Variants in SNTG1 observed in about 807,000 individuals in gnomAD.
The protein encoded by SNTG1 is syntrophin gamma 1, also known as gamma-1-syntrophin.
SNTG1 carries 39 observed loss-of-function variants against 74.7 expected under a neutral mutation model. That is an observed-to-expected ratio of 0.52 (90% CI 0.40 to 0.68). The LOEUF (loss-of-function observed/expected upper bound fraction) is 0.68. Among genes scored for constraint, SNTG1 ranks in the 30% least tolerant of loss-of-function variants. The pLI is 0.00. For synonymous variants in SNTG1, 254 were observed against 217.1 expected (o/e 1.17, Z -1.49); for missense variants, 685 against 609.5 (o/e 1.12, Z -1.30).
intron 3 of SNTG1, among the ~76,000 whole-genome samples, chr8:50,401,015 T>TA (rs1187799509): frequency 2.0e-5 from 3 of 152,156 alleles, no homozygotes; most frequent in African/African-American, 7.2e-5. Flanking sequence ...TATCATGATT[T>TA]GATAATTACA....
intron 1 of SNTG1, among the ~76,000 whole-genome samples, chr8:50,057,838 T>C (rs1820155660): frequency 6.6e-6 from 1 of 152,102 alleles, no homozygotes; most frequent in South Asian, 2.1e-4. Context: ...TTAGGGTTGT[T>C]AATGATCCCA....
intron 2 of SNTG1, among the ~76,000 whole-genome samples, chr8:50,299,042 C>T (rs975745452): frequency 1.3e-5 from 2 of 152,042 alleles, no homozygotes; most frequent in African/African-American, 4.8e-5. Context: ...ACTCAAAATT[C>T]CCATGGAAAC....
intron 2 of SNTG1, among the ~76,000 whole-genome samples, chr8:50,349,196 A>ATT (rs1308260977): frequency 6.6e-6 from 1 of 152,176 alleles, no homozygotes; most frequent in Non-Finnish European, 1.5e-5. Flanking sequence ...ATAAGAAAAT[A>ATT]TTTTATGTAT....
chr8:50,088,605 C>T (rs1212148369), intron 1 of SNTG1, among the ~76,000 whole-genome samples: 1 of 125,932 alleles, frequency 7.9e-6, no homozygotes, highest in African/African-American at 2.5e-5. Flanking sequence ...TTCTTATACA[C>T]CAACAACAGA....
intron 1 of SNTG1, among the ~76,000 whole-genome samples, chr8:50,084,308 A>T (rs1822676344): frequency 6.6e-6 from 1 of 152,006 alleles, no homozygotes; most frequent in Admixed American, 6.6e-5. Flanking sequence ...AAAAAACACA[A>T]AGATTAGCCT....
intron 2 of SNTG1, among the ~76,000 whole-genome samples, chr8:50,207,050 G>A (rs1249128208): frequency 1.3e-5 from 2 of 152,158 alleles, no homozygotes; most frequent in East Asian, 3.9e-4. Flanking sequence ...GTCTCTGCCA[G>A]CCTTTGTTAT....
At chr8:50,543,648 G>A (rs543082911) in intron 11 of SNTG1, among the ~76,000 whole-genome samples, 3 of 152,208 alleles carry the variant, frequency 2.0e-5, no homozygotes, top group African/African-American at 7.2e-5. Flanking sequence ...AAAGATGTAT[G>A]AATATTTGTA....
chr8:49,927,660 A>G (rs1200389126), intron 1 of SNTG1, among the ~76,000 whole-genome samples: 1 of 152,158 alleles, frequency 6.6e-6, no homozygotes, highest in Admixed American at 6.5e-5. Flanking sequence ...ATAATAAATT[A>G]TTGATTGCCA....
Position 50,780,528 on chromosome 8 carries a change from T to G in SNTG1, c.1396-12143T>G, listed in dbSNP as rs543785649. On this transcript the variant is annotated intron_variant, in intron 18 of 18. Coordinates refer to ENST00000642720, the MANE Select transcript of SNTG1 (RefSeq NM_018967.5). The stretch of plus-strand genomic sequence containing the variant: ...AGTATTCTCTGATGGTAGTTTGTAT[T>G]TCTGTGGGATTGGTGGTGATATCCC... Among the ~76,000 whole-genome samples, 138 of 152,338 alleles carry G rather than the reference T, an allele frequency of 9.1e-4. 2 individuals are homozygous for G. Among genetic ancestry groups the G allele is most frequent in the Middle Eastern group, 6.8e-3 (2 of 294 alleles).
intron 18 of SNTG1, among the ~76,000 whole-genome samples, chr8:50,780,761 G>T (rs1308756695): frequency 6.6e-6 from 1 of 152,030 alleles, no homozygotes; most frequent in Non-Finnish European, 1.5e-5. Context: ...GAATGTGTTT[G>T]CTCTTGTTTT....
intron 1 of SNTG1, among the ~76,000 whole-genome samples, chr8:49,982,410 A>G (rs747594301): frequency 1.3e-5 from 2 of 152,078 alleles, no homozygotes; most frequent in African/African-American, 4.8e-5. Flanking sequence ...TGGAAATACA[A>G]AAGAATTCTG....
intron 2 of SNTG1, among the ~76,000 whole-genome samples, chr8:50,310,189 A>T (rs1299663857): frequency 6.6e-6 from 1 of 152,176 alleles, no homozygotes; most frequent in Non-Finnish European, 1.5e-5. Context: ...TGTTTGAAAT[A>T]TCTGCTTTGT....
At chr8:50,416,299 T>C (rs1361834189) in intron 4 of SNTG1, among the ~76,000 whole-genome samples, 1 of 152,146 alleles carries the variant, frequency 6.6e-6, no homozygotes, top group African/African-American at 2.4e-5. Context: ...CATGTGCACA[T>C]GCATGGAATG....
chr8:50,586,653 A>T (rs1161772442), intron 12 of SNTG1, among the ~76,000 whole-genome samples: 5 of 5,230 alleles, frequency 9.6e-4, no homozygotes, highest in Non-Finnish European at 1.3e-3. Flanking sequence ...TTTCATTAAT[A>T]CACACACACA....
At chr8:50,456,873 G>C (rs572674757) in intron 8 of SNTG1, 1 of 152,270 alleles carries the variant, frequency 6.6e-6, no homozygotes, top group African/African-American at 2.4e-5. Context: ...AAGCTGGCAG[G>C]GCAGGCATGG....
chr8:50,560,740 C>G (rs1013307727), intron 12 of SNTG1, among the ~76,000 whole-genome samples: 1 of 151,952 alleles, frequency 6.6e-6, no homozygotes, highest in Non-Finnish European at 1.5e-5. Flanking sequence ...GGGAGAGCAT[C>G]AAGAAGAACA....
intron 12 of SNTG1, among the ~76,000 whole-genome samples, chr8:50,589,442 C>T (rs965542393): frequency 1.3e-5 from 2 of 152,068 alleles, no homozygotes; most frequent in African/African-American, 4.8e-5. Context: ...AGAAGTTTGG[C>T]TCAATCACTA....
chr8:50,208,126 A>G (rs1311598309), intron 2 of SNTG1, among the ~76,000 whole-genome samples: 1 of 152,076 alleles, frequency 6.6e-6, no homozygotes, highest in Non-Finnish European at 1.5e-5. Context: ...ATCCTTCTTA[A>G]CTTTCTGTCT....
chr8:50,569,645 G>A lies in SNTG1; in HGVS notation c.810+16466G>A, dbSNP rs535964059. ...ATGATGGAATAAAGACTAACAGAAGGAAGATTTACCAAAAATGAACTAAAG... is the reference window on the plus strand; with the variant it reads ...ATGATGGAATAAAGACTAACAGAAGAAAGATTTACCAAAAATGAACTAAAG... On this transcript the variant is annotated intron_variant, in intron 12 of 18. Coordinates refer to ENST00000642720, the MANE Select transcript of SNTG1 (RefSeq NM_018967.5). Among the ~76,000 whole-genome samples, 9 of 152,252 alleles carry A rather than the reference G, an allele frequency of 5.9e-5. No homozygotes were observed. In the East Asian group the frequency reaches 7.7e-4, roughly 13 times the overall value.
Sources: gnomAD v4.1 joint callset for allele counts (sites outside exome capture counted in the v4.1 genomes callset) on GRCh38, gnomAD v4.1.1 for gene constraint, MANE v1.5 for transcripts, NCBI Gene and HGNC (gene_info 2026-07-23, HGNC 2026-07-21) for gene names.